The following GARRE1 variants were observed in gnomAD, a reference collection of about 807,000 sequenced individuals.
GARRE1 encodes the protein granule associated Rac and RHOG effector protein 1.
A neutral mutation model predicts 103.2 loss-of-function variants in GARRE1; 49 were observed. That is an observed-to-expected ratio of 0.47 (90% CI 0.38 to 0.60). The LOEUF (loss-of-function observed/expected upper bound fraction) is 0.60. GARRE1 is among the 20% of genes least tolerant of loss of function. The pLI, the probability that GARRE1 is intolerant of heterozygous loss-of-function variation, is 0.00. For missense variants in GARRE1, 1,199 were observed against 1,370.5 expected (o/e 0.87, Z 1.98); for synonymous variants, 505 against 532.8 (o/e 0.95, Z 0.72).
chr19:34,334,913 G>C (rs1294906777), intron 8 of GARRE1, among the ~76,000 whole-genome samples: 1 of 151,882 alleles, frequency 6.6e-6, no homozygotes, highest in Non-Finnish European at 1.5e-5. Context: ...AATTAGCCGG[G>C]CGTGGTGGCA....
At chr19:34,351,070 G>A (rs912727989) in intron 12 of GARRE1, among the ~76,000 whole-genome samples, 27 of 151,450 alleles carry the variant, frequency 1.8e-4, no homozygotes, top group Non-Finnish European at 2.5e-4. Context: ...ATGGTGGCAC[G>A]CACCTGTAAT....
In GARRE1 at chr19:34,351,212, AAT is replaced by A. The variant is rs1180757801; in HGVS notation, c.2826-300_2826-299del. On this transcript the variant is annotated intron_variant, in intron 12 of 13. Transcript: ENST00000299505. Reference sequence around the variant, plus strand: ...ACTCAGTCTCAAAAAAAAAAAAAAAAATAAAATAATAATAATAATAATAATAA... The same window carrying A: ...ACTCAGTCTCAAAAAAAAAAAAAAAAAAAATAATAATAATAATAATAATAA... Among the ~76,000 whole-genome samples the A allele has an allele frequency of 7.3e-5, 11 of 149,824 alleles. 1 individual carries two copies. Among genetic ancestry groups the A allele is most frequent in the Admixed American group, 4.0e-4 (6 of 15,058 alleles).
intron 3 of GARRE1, among the ~76,000 whole-genome samples, chr19:34,324,059 C>T (rs2074101174): frequency 6.6e-6 from 1 of 152,158 alleles, no homozygotes; most frequent in Non-Finnish European, 1.5e-5. Flanking sequence ...GTGCCCTCTC[C>T]TCCTGTCCAG....
chr19:34,322,530 A>T (rs2074093955), intron 3 of GARRE1, among the ~76,000 whole-genome samples: 1 of 152,198 alleles, frequency 6.6e-6, no homozygotes, highest in Non-Finnish European at 1.5e-5. Flanking sequence ...TGAGAAATAA[A>T]AAATAAATCT....
At position 34,300,861 on chromosome 19, in the gene GARRE1, C is replaced by G; in HGVS notation, c.388C>G (p.Arg130Gly). 6.2e-7 allele frequency: 1 copy of G among 1,613,530 alleles called. No homozygotes were observed. The highest frequency in any genetic ancestry group is 2.2e-5 in the East Asian group (1 of 44,888). ...VQEHVMEAAS[R>G]LTSAIKPEIA... ...GGAGCATGTCATGGAAGCAGCCAGTCGGCTGACCTCGGCCATAAAGCCTGA... is the reference window on the plus strand; with the variant it reads ...GGAGCATGTCATGGAAGCAGCCAGTGGGCTGACCTCGGCCATAAAGCCTGA... The change falls in exon 2 of 14, where the codon CGG becomes GGG. Residue 130 changes from arginine (R) to glycine (G), a missense_variant. Arg to Gly is a moderately radical substitution (Grantham distance 125). Coordinates refer to ENST00000299505, the MANE Select transcript of GARRE1 (RefSeq NM_014686.5).
chr19:34,301,513 C>CAAAAAAAAAAAAAAAA (rs57777660), intron 2 of GARRE1, among the ~76,000 whole-genome samples: 1 of 85,402 alleles, frequency 1.2e-5, no homozygotes, highest in African/African-American at 4.8e-5. Context: ...GACCATGTCT[C>CAAAAAAAAAAAAAAAA]AAAAAAAAAA....
Position 34,279,599 on chromosome 19 carries a change from T to G in GARRE1, c.-795-20080T>G, listed in dbSNP as rs139692212. On this transcript the variant is annotated intron_variant, in intron 1 of 13. Transcript: ENST00000299505. Reference sequence around the variant, plus strand: ...AGTGGTATCTCACTGTGGTTTTGATTTGCATTTTCCAAGTTATATTATTCC... The same window carrying G: ...AGTGGTATCTCACTGTGGTTTTGATGTGCATTTTCCAAGTTATATTATTCC... 9.4e-4 allele frequency among the ~76,000 whole-genome samples: 143 copies of G among 152,296 alleles called. 1 individual carries two copies. Among genetic ancestry groups the G allele is most frequent in the African/African-American group, 3.2e-3 (133 of 41,554 alleles).
rs1343798649 is a variant in GARRE1 at position 34,300,457 on chromosome 19, A to G, written c.-17A>G. 4 of 1,531,856 alleles carry G rather than the reference A, an allele frequency of 2.6e-6. No homozygotes were observed. The highest frequency in any genetic ancestry group is 3.5e-6 in the Non-Finnish European group (4 of 1,137,010). 94.9% of individuals were successfully genotyped at this position (1,531,856 alleles called of 1,614,324 possible). ...CCCTGACCCACTTACGGTTGCTGGGACAATTCCCCCTCCCGCATGTATTGC... is the reference window on the plus strand; with the variant it reads ...CCCTGACCCACTTACGGTTGCTGGGGCAATTCCCCCTCCCGCATGTATTGC... On this transcript the variant is annotated 5_prime_UTR_variant, in exon 2 of 14. Transcript: ENST00000299505.
chr19:34,272,770 A>G lies in GARRE1; in HGVS notation c.-796+18156A>G, dbSNP rs556862239. Among the ~76,000 whole-genome samples, 13 of 152,338 alleles carry G rather than the reference A, an allele frequency of 8.5e-5. No homozygotes were observed. The East Asian group carries it at 2.3e-3, about 27-fold the overall frequency. ...GGATGGTGCAAGAATGGAGAGCTCA[A>G]CCTGTGGCAGCAGATTGCCATGTCC... On this transcript the variant is annotated intron_variant, in intron 1 of 13. Coordinates refer to ENST00000299505, the MANE Select transcript of GARRE1 (RefSeq NM_014686.5).
At chr19:34,307,800 A>C (rs1568538183) in intron 2 of GARRE1, among the ~76,000 whole-genome samples, 1 of 111,008 alleles carries the variant, frequency 9.0e-6, no homozygotes, top group Non-Finnish European at 1.9e-5. Context: ...TATAAAAAAA[A>C]AATATATATA....
chr19:34,303,320 A>C (rs2073990119), intron 2 of GARRE1, among the ~76,000 whole-genome samples: 1 of 152,192 alleles, frequency 6.6e-6, no homozygotes, highest in Admixed American at 6.5e-5. Context: ...TCCTTACCCC[A>C]TCCTGGGGTT....
chr19:34,317,206 A>C (rs967554935), intron 2 of GARRE1, among the ~76,000 whole-genome samples: 1 of 152,192 alleles, frequency 6.6e-6, no homozygotes, highest in African/African-American at 2.4e-5. Flanking sequence ...CCGGCCTTGC[A>C]TATCTGTTCA....
At chr19:34,333,886 G>T in intron 8 of GARRE1, 85 bp downstream of exon 8, 2 of 850,840 alleles carry the variant, frequency 2.4e-6, no homozygotes, top group Non-Finnish European at 2.0e-6. Flanking sequence ...TTTGAACAAT[G>T]CCCATGCTAG....
At chr19:34,261,361 G>A (rs766789620) in intron 1 of GARRE1, among the ~76,000 whole-genome samples, 37 of 152,268 alleles carry the variant, frequency 2.4e-4, no homozygotes, top group Admixed American at 9.2e-4. Context: ...ATTAGCTCTC[G>A]TTGGTATTCA....
intron 7 of GARRE1, among the ~76,000 whole-genome samples, chr19:34,331,576 T>G (rs539064325): frequency 1.3e-5 from 2 of 152,326 alleles, no homozygotes; most frequent in South Asian, 2.1e-4. Flanking sequence ...AAAAAAAACT[T>G]TGCCCAGAGT....
chr19:34,263,514 G>T, intron 1 of GARRE1, among the ~76,000 whole-genome samples: 1 of 145,344 alleles, frequency 6.9e-6, no homozygotes, highest in Non-Finnish European at 1.5e-5. Context: ...GTCTTGCTCT[G>T]TTGCCTAGGC....
intron 1 of GARRE1, among the ~76,000 whole-genome samples, chr19:34,270,274 C>G (rs1180390575): frequency 6.6e-6 from 1 of 152,220 alleles, no homozygotes; most frequent in Non-Finnish European, 1.5e-5. Flanking sequence ...TACCTTCTTC[C>G]TCTAGGAGTC....
intron 1 of GARRE1, among the ~76,000 whole-genome samples, chr19:34,264,378 C>T (rs991434880): frequency 1.3e-5 from 2 of 151,756 alleles, no homozygotes; most frequent in Admixed American, 6.6e-5. Context: ...GAAATTTGGA[C>T]GTGTCATGTG....
chr19:34,298,522 G>A (rs766999453), intron 1 of GARRE1, among the ~76,000 whole-genome samples: 8 of 151,980 alleles, frequency 5.3e-5, no homozygotes, highest in Non-Finnish European at 8.8e-5. Flanking sequence ...AGACCAGCCT[G>A]GCCAGCATGG....
Sources: gnomAD v4.1 joint callset for allele counts (sites outside exome capture counted in the v4.1 genomes callset) on GRCh38, gnomAD v4.1.1 for gene constraint, MANE v1.5 for transcripts, NCBI Gene and HGNC (gene_info 2026-07-23, HGNC 2026-07-21) for gene names.